Variants in TENM4 observed in about 807,000 individuals in gnomAD.
TENM4 encodes teneurin transmembrane protein 4.
In TENM4, 82 loss-of-function variants were observed where a neutral mutation model predicts 243.3. The ratio of observed to expected loss-of-function variants is 0.34; its 90% CI spans 0.28 to 0.40. TENM4 has a LOEUF of 0.40. TENM4 is among the 10% of genes least tolerant of loss of function. The pLI, the probability that TENM4 is intolerant of heterozygous loss-of-function variation, is 1.00. For missense variants in TENM4, 3,138 were observed against 3,673.3 expected, an observed-to-expected ratio of 0.85 and a Z score of 3.77; for synonymous variants, 1,412 against 1,456.3, an observed-to-expected ratio of 0.97 and a Z score of 0.69.
intron 1 of TENM4, among the ~76,000 whole-genome samples, chr11:79,355,298 C>T (rs769553559): frequency 1.3e-5 from 2 of 152,084 alleles, no homozygotes; most frequent in African/African-American, 4.8e-5. Flanking sequence ...TTTGGGAGGC[C>T]GAGGCAGACA....
intron 25 of TENM4, among the ~76,000 whole-genome samples, chr11:78,713,475 G>A: frequency 6.6e-6 from 1 of 152,224 alleles, no homozygotes; most frequent in East Asian, 1.9e-4. Flanking sequence ...ATGCCTTGGG[G>A]AGACAAAGCA....
chr11:78,787,145 G>A, intron 15 of TENM4, 62 bp from the exon 16 acceptor site: 4 of 1,473,932 alleles, frequency 2.7e-6, no homozygotes, highest in Non-Finnish European at 2.7e-6. Context: ...GTGGCCAGAG[G>A]GGCAGGGGAG....
intron 10 of TENM4, 37 bp from the exon 11 acceptor site, chr11:78,856,215 C>T (rs554372338): frequency 3.5e-5 from 54 of 1,536,582 alleles, no homozygotes; most frequent in East Asian, 1.2e-4. Context: ...AAAGACATCT[C>T]GGTTAGCCAC....
intron 1 of TENM4, among the ~76,000 whole-genome samples, chr11:79,305,931 C>G (rs1218493918): frequency 6.6e-6 from 1 of 152,194 alleles, no homozygotes; most frequent in Non-Finnish European, 1.5e-5. Flanking sequence ...GTGGGCCTGG[C>G]TGCCTCAGAG....
At chr11:79,407,841 C>A (rs1858605481) in intron 1 of TENM4, among the ~76,000 whole-genome samples, 1 of 152,080 alleles carries the variant, frequency 6.6e-6, no homozygotes, top group Admixed American at 6.6e-5. Flanking sequence ...TGGGCCTCAT[C>A]CCCAGGGTTT....
chr11:78,779,110 A>T (rs1448384420), intron 16 of TENM4, among the ~76,000 whole-genome samples: 1 of 152,222 alleles, frequency 6.6e-6, no homozygotes, highest in Non-Finnish European at 1.5e-5. Flanking sequence ...GGAATTTAGA[A>T]ATACGCAAAA....
intron 27 of TENM4, 116 bp from the exon 28 acceptor site, chr11:78,702,519 G>T: frequency 8.1e-7 from 1 of 1,234,694 alleles, no homozygotes; most frequent in Non-Finnish European, 1.1e-6. Context: ...AGTCTTGCTT[G>T]ATCCTCATGC....
At chr11:78,774,845 G>A (rs1315408960) in intron 17 of TENM4, among the ~76,000 whole-genome samples, 2 of 152,144 alleles carry the variant, frequency 1.3e-5, no homozygotes, top group African/African-American at 4.8e-5. Flanking sequence ...CTCAGTACCT[G>A]GTGGATGCTG....
At chr11:79,075,956 T>C (rs1366854488) in intron 4 of TENM4, among the ~76,000 whole-genome samples, 1 of 152,228 alleles carries the variant, frequency 6.6e-6, no homozygotes, top group African/African-American at 2.4e-5. Context: ...TCACCATCTC[T>C]CTGGGGTGTC....
intron 2 of TENM4, among the ~76,000 whole-genome samples, chr11:79,227,869 T>C (rs1342096689): frequency 6.6e-6 from 1 of 152,138 alleles, no homozygotes; most frequent in Non-Finnish European, 1.5e-5. Context: ...TGTCAGTAGA[T>C]TGGTGAAACA....
At chr11:79,364,610 A>T (rs1469207795) in intron 1 of TENM4, among the ~76,000 whole-genome samples, 1 of 152,262 alleles carries the variant, frequency 6.6e-6, no homozygotes, top group Non-Finnish European at 1.5e-5. Flanking sequence ...AGCACTTATT[A>T]AACATCTGTT....
chr11:78,875,030 G>A (rs1859230598), intron 9 of TENM4, among the ~76,000 whole-genome samples: 1 of 152,190 alleles, frequency 6.6e-6, no homozygotes, highest in South Asian at 2.1e-4. Flanking sequence ...ACAAGGTGCT[G>A]TTGCTCAATA....
At chr11:79,283,696 G>A (rs781182083) in intron 2 of TENM4, among the ~76,000 whole-genome samples, 1 of 152,122 alleles carries the variant, frequency 6.6e-6, no homozygotes, top group Non-Finnish European at 1.5e-5. Flanking sequence ...TACTGTACTG[G>A]AGGTTCTAAC....
chr11:78,836,593 T>C (rs1267946313), intron 12 of TENM4, among the ~76,000 whole-genome samples: 1 of 152,240 alleles, frequency 6.6e-6, no homozygotes, highest in Admixed American at 6.5e-5. Context: ...AATTCTTGTC[T>C]GTTTTGGGGA....
At chr11:78,956,389 G>A (rs752172353) in intron 6 of TENM4, among the ~76,000 whole-genome samples, 11 of 152,326 alleles carry the variant, frequency 7.2e-5, no homozygotes, top group Non-Finnish European at 1.6e-4. Context: ...GAGTTGCCAA[G>A]TTCTAGGCTT....
At chr11:78,903,614 A>T in intron 6 of TENM4, 91 bp from the exon 7 acceptor site, 1 of 1,520,120 alleles carries the variant, frequency 6.6e-7, no homozygotes, top group Non-Finnish European at 8.8e-7. Context: ...AAGACCACAG[A>T]AGAGGGAGCC....
At chr11:78,895,004 A>AG (rs1384830130) in intron 7 of TENM4, among the ~76,000 whole-genome samples, 10 of 140,502 alleles carry the variant, frequency 7.1e-5, no homozygotes, top group East Asian at 2.0e-4. Context: ...AAAAAAAAAA[A>AG]AAAGAAGACA....
At chr11:78,975,044 C>A (rs1280167956) in intron 6 of TENM4, among the ~76,000 whole-genome samples, 1 of 151,890 alleles carries the variant, frequency 6.6e-6, no homozygotes, top group Non-Finnish European at 1.5e-5. Context: ...CTGTGTGAAG[C>A]CCTAAGTGGG....
At chr11:79,429,379 AC>A (rs1177085625) in intron 1 of TENM4, among the ~76,000 whole-genome samples, 2 of 152,134 alleles carry the variant, frequency 1.3e-5, no homozygotes, top group East Asian at 1.9e-4. Context: ...GACTGTGCTG[AC>A]AGGGTCCAGA....
Sources: gnomAD v4.1 joint callset for allele counts (sites outside exome capture counted in the v4.1 genomes callset) on GRCh38, gnomAD v4.1.1 for gene constraint, MANE v1.5 for transcripts, NCBI Gene and HGNC (gene_info 2026-07-23, HGNC 2026-07-21) for gene names.